SLC8A3: variants seen among roughly 807,000 people sequenced by gnomAD.
The protein encoded by SLC8A3 is sodium/calcium exchanger 3.
In SLC8A3, 37 loss-of-function variants were observed where a neutral mutation model predicts 65.4. That is an observed-to-expected ratio of 0.57 (90% CI 0.44 to 0.74). The LOEUF (loss-of-function observed/expected upper bound fraction) is 0.74, where lower values mean the gene tolerates loss of function less well. Ranked by LOEUF, SLC8A3 falls within the 30% of genes least tolerant of loss-of-function variation. SLC8A3 has a pLI of 0.00. For missense variants in SLC8A3, 1,112 were observed against 1,172.1 expected (o/e 0.95, Z 0.75); for synonymous variants, 461 against 444.5 (o/e 1.04, Z -0.47).
At chr14:70,077,710 A>G (rs1362773145) in intron 2 of SLC8A3, among the ~76,000 whole-genome samples, 1 of 152,194 alleles carries the variant, frequency 6.6e-6, no homozygotes, top group African/African-American at 2.4e-5. Context: ...TTCTTTTCCC[A>G]GAAATGCCAG....
chr14:70,136,568 A>G (rs1390710498), intron 2 of SLC8A3, among the ~76,000 whole-genome samples: 1 of 152,024 alleles, frequency 6.6e-6, no homozygotes, highest in Non-Finnish European at 1.5e-5. Context: ...CTTCCCCATA[A>G]AACACTGTTC....
rs202087500 is a variant in SLC8A3, at chr14:70,069,785, A to G, written c.1785-8846T>C. Reference sequence around the variant, plus strand: ...GTCTCTAATTGGCGTTCTCTTTAAAATAAGTGTGTCATCTCGTCCCTGAAA... The same window carrying G: ...GTCTCTAATTGGCGTTCTCTTTAAAGTAAGTGTGTCATCTCGTCCCTGAAA... On this transcript the variant is annotated intron_variant, in intron 2 of 6. Coordinates refer to ENST00000356921, the MANE Select transcript of SLC8A3 (RefSeq NM_182932.3). 4.6e-5 allele frequency among the ~76,000 whole-genome samples: 7 copies of G among 152,316 alleles called. No homozygotes were observed. In the East Asian group the frequency reaches 1.3e-3, roughly 29 times the overall value.
At chr14:70,139,705 G>T (rs145732798) in intron 2 of SLC8A3, among the ~76,000 whole-genome samples, 1 of 152,332 alleles carries the variant, frequency 6.6e-6, no homozygotes, top group Non-Finnish European at 1.5e-5. Context: ...TGTGAGTTTG[G>T]CCAGACAGCT....
At chr14:70,144,505 C>T (rs950619135) in intron 2 of SLC8A3, among the ~76,000 whole-genome samples, 1 of 151,604 alleles carries the variant, frequency 6.6e-6, no homozygotes, top group Non-Finnish European at 1.5e-5. Flanking sequence ...TGGCACACGC[C>T]TGTAATCCCA....
Position 70,188,146 on chromosome 14 carries a change from G to GC in SLC8A3, c.-63+232dup, listed in dbSNP as rs140212115. On this transcript the variant is annotated intron_variant, in intron 1 of 6. Coordinates refer to ENST00000356921, the MANE Select transcript of SLC8A3 (RefSeq NM_182932.3). ...TGTAGACACCCACTCTGCCAGATCTGCCCCCCCAACACTGCATACACAATG... is the reference window on the plus strand; with the variant it reads ...TGTAGACACCCACTCTGCCAGATCTGCCCCCCCCAACACTGCATACACAATG... Among the ~76,000 whole-genome samples the GC allele has an allele frequency of 2.4e-3, 372 of 151,950 alleles. 1 individual carries two copies. The highest frequency in any genetic ancestry group is 7.6e-3 in the African/African-American group (317 of 41,446).
intron 2 of SLC8A3, among the ~76,000 whole-genome samples, chr14:70,129,619 A>T (rs1199304559): frequency 6.6e-6 from 1 of 152,236 alleles, no homozygotes; most frequent in East Asian, 1.9e-4. Context: ...ATAAGGATAA[A>T]TCAGATATGT....
intron 2 of SLC8A3, among the ~76,000 whole-genome samples, chr14:70,157,490 A>G (rs1346303914): frequency 6.6e-6 from 1 of 152,232 alleles, no homozygotes; most frequent in Non-Finnish European, 1.5e-5. Flanking sequence ...TCTTCTCTTG[A>G]AAATTTAAAC....
intron 2 of SLC8A3, among the ~76,000 whole-genome samples, chr14:70,125,544 G>A (rs951739536): frequency 1.7e-4 from 26 of 152,122 alleles, no homozygotes; most frequent in Admixed American, 1.2e-3. Flanking sequence ...CATTGTGTGT[G>A]TATATATACA....
intron 2 of SLC8A3, among the ~76,000 whole-genome samples, chr14:70,068,471 G>C (rs2139891126): frequency 6.6e-6 from 1 of 152,238 alleles, no homozygotes; most frequent in Admixed American, 6.5e-5. Flanking sequence ...CTCAACTCCT[G>C]TGCTCAGGCC....
intron 2 of SLC8A3, among the ~76,000 whole-genome samples, chr14:70,122,800 G>A (rs1049490924): frequency 2.0e-5 from 3 of 152,086 alleles, no homozygotes; most frequent in South Asian, 2.1e-4. Flanking sequence ...GGCCTGGCAC[G>A]GTGGCTCACA....
intron 1 of SLC8A3, among the ~76,000 whole-genome samples, chr14:70,177,795 AT>A (rs1304655964): frequency 6.6e-6 from 1 of 152,192 alleles, no homozygotes. Flanking sequence ...GTTTTTAATC[AT>A]AGGAGGGACA....
At chr14:70,137,332 T>C (rs1895268483) in intron 2 of SLC8A3, among the ~76,000 whole-genome samples, 1 of 152,022 alleles carries the variant, frequency 6.6e-6, no homozygotes, top group Non-Finnish European at 1.5e-5. Flanking sequence ...TTTGTATTTT[T>C]AGTAGGGACA....
chr14:70,048,120 G>A (rs1887005603), intron 6 of SLC8A3: 1 of 158,852 alleles, frequency 6.3e-6, no homozygotes, highest in Non-Finnish European at 1.4e-5. Flanking sequence ...CTTTCTGTTT[G>A]TCTCTGAGTG....
At chr14:70,067,179 T>A (rs1285916883) in intron 2 of SLC8A3, among the ~76,000 whole-genome samples, 1 of 151,910 alleles carries the variant, frequency 6.6e-6, no homozygotes, top group Non-Finnish European at 1.5e-5. Context: ...CCCCTCTGCC[T>A]GGGACGCTCT....
At chr14:70,098,335 C>T (rs7146765) in intron 2 of SLC8A3, among the ~76,000 whole-genome samples, 6,275 of 152,174 alleles carry the variant, frequency 0.041, 433 homozygotes, top group African/African-American at 0.14. Flanking sequence ...TATACAGTCA[C>T]CTCCCCCTTT....
intron 2 of SLC8A3, among the ~76,000 whole-genome samples, chr14:70,093,159 T>C (rs1891919913): frequency 6.6e-6 from 1 of 152,196 alleles, no homozygotes; most frequent in South Asian, 2.1e-4. Context: ...TCTCTTTGGG[T>C]CTGAGTTTAT....
chr14:70,048,389 T>A (rs993364580), intron 6 of SLC8A3: 2 of 549,288 alleles, frequency 3.6e-6, no homozygotes, highest in Non-Finnish European at 6.5e-6. Flanking sequence ...TCTACTCACA[T>A]AATGTGGAGG....
intron 2 of SLC8A3, among the ~76,000 whole-genome samples, chr14:70,161,111 G>A (rs1282737983): frequency 6.9e-5 from 10 of 144,750 alleles, no homozygotes; most frequent in Middle Eastern, 3.7e-3. Flanking sequence ...TATATTAGCC[G>A]GACGTGGTGG....
chr14:70,184,592 G>C (rs536150165), intron 1 of SLC8A3, among the ~76,000 whole-genome samples: 1 of 152,182 alleles, frequency 6.6e-6, no homozygotes, highest in South Asian at 2.1e-4. Flanking sequence ...GGGCTTAGCT[G>C]TCCCTACAAG....
Sources: gnomAD v4.1 joint callset for allele counts (sites outside exome capture counted in the v4.1 genomes callset) on GRCh38, gnomAD v4.1.1 for gene constraint, MANE v1.5 for transcripts, NCBI Gene and HGNC (gene_info 2026-07-23, HGNC 2026-07-21) for gene names.